The following GPC5 variants were observed in gnomAD, a reference collection of about 807,000 sequenced individuals.
GPC5 encodes glypican 5.
Under a neutral mutation model 53.9 loss-of-function variants are expected in GPC5, and 47 were observed. That is an observed-to-expected ratio of 0.87 (90% CI 0.69 to 1.11). GPC5 has a LOEUF of 1.11. Among genes scored for constraint, GPC5 ranks in the 50% most tolerant of loss-of-function variants. The probability of loss-of-function intolerance (pLI) is 0.00; values close to 1 mark genes in which losing one functional copy is unlikely to be tolerated. For synonymous variants in GPC5, 286 were observed against 263.3 expected (o/e 1.09, Z -0.84); for missense variants, 748 against 713.1 (o/e 1.05, Z -0.56).
intron 7 of GPC5, among the ~76,000 whole-genome samples, chr13:92,349,473 A>G (rs1338323903): frequency 6.7e-6 from 1 of 149,626 alleles, no homozygotes; most frequent in African/African-American, 2.5e-5. Context: ...TTTTTAATTA[A>G]TTTATTTTTA....
At chr13:92,297,843 C>G (rs1432070974) in intron 7 of GPC5, among the ~76,000 whole-genome samples, 2 of 152,032 alleles carry the variant, frequency 1.3e-5, no homozygotes, top group African/African-American at 4.8e-5. Flanking sequence ...ACTGCTCACT[C>G]TTTGGGTCCA....
intron 2 of GPC5, among the ~76,000 whole-genome samples, chr13:91,561,516 G>T (rs2031261148): frequency 6.6e-6 from 1 of 152,048 alleles, no homozygotes; most frequent in Non-Finnish European, 1.5e-5. Context: ...GTGAACTATT[G>T]TAAATTTCAT....
intron 7 of GPC5, among the ~76,000 whole-genome samples, chr13:92,639,233 A>G (rs562525480): frequency 6.6e-6 from 1 of 152,308 alleles, no homozygotes; most frequent in East Asian, 1.9e-4. Context: ...TCAATGATGA[A>G]CATTAGATCA....
chr13:91,988,547 G>T (rs961508266), intron 6 of GPC5, among the ~76,000 whole-genome samples: 1 of 152,166 alleles, frequency 6.6e-6, no homozygotes, highest in Non-Finnish European at 1.5e-5. Context: ...GAAGATCAGC[G>T]CTGTGAAAGG....
intron 7 of GPC5, among the ~76,000 whole-genome samples, chr13:92,808,987 A>G (rs1011726291): frequency 6.6e-5 from 10 of 152,090 alleles, no homozygotes; most frequent in African/African-American, 2.2e-4. Context: ...ACATTATTCT[A>G]TTATGATTAC....
intron 5 of GPC5, among the ~76,000 whole-genome samples, chr13:91,779,604 G>T (rs1333061014): frequency 6.6e-6 from 1 of 152,146 alleles, no homozygotes; most frequent in Non-Finnish European, 1.5e-5. Context: ...CAAGTGGTCT[G>T]CCTGGCTCGA....
intron 7 of GPC5, among the ~76,000 whole-genome samples, chr13:92,554,637 C>T (rs1594300599): frequency 6.8e-6 from 1 of 147,616 alleles, no homozygotes; most frequent in Admixed American, 6.8e-5. Flanking sequence ...CAAATATAAA[C>T]AAGACAGAAA....
intron 2 of GPC5, among the ~76,000 whole-genome samples, chr13:91,496,833 C>T (rs1884293790): frequency 6.6e-6 from 1 of 152,088 alleles, no homozygotes; most frequent in Non-Finnish European, 1.5e-5. Flanking sequence ...ACCCCATTTT[C>T]CATGATGTGA....
At chr13:92,171,762 G>A (rs963916724) in intron 7 of GPC5, among the ~76,000 whole-genome samples, 1 of 152,050 alleles carries the variant, frequency 6.6e-6, no homozygotes, top group Non-Finnish European at 1.5e-5. Context: ...ATAGGTAATT[G>A]AGACCTGTAT....
chr13:91,853,773 C>A (rs1159499354), intron 5 of GPC5, among the ~76,000 whole-genome samples: 1 of 151,856 alleles, frequency 6.6e-6, no homozygotes, highest in Admixed American at 6.6e-5. Flanking sequence ...AAAATAAAGT[C>A]ATTCAAGAAA....
chr13:91,586,221 T>C (rs1351224329), intron 2 of GPC5, among the ~76,000 whole-genome samples: 1 of 151,248 alleles, frequency 6.6e-6, no homozygotes, highest in Admixed American at 6.6e-5. Context: ...ATGTAAATGT[T>C]CTTAAGCTTC....
At chr13:91,752,091 C>T (rs745900162) in intron 4 of GPC5, among the ~76,000 whole-genome samples, 1 of 152,168 alleles carries the variant, frequency 6.6e-6, no homozygotes, top group African/African-American at 2.4e-5. Context: ...TGTTTTCATG[C>T]GGCCTTTTCT....
chr13:92,546,196 T>C (rs1882103408), intron 7 of GPC5, among the ~76,000 whole-genome samples: 2 of 152,184 alleles, frequency 1.3e-5, no homozygotes, highest in African/African-American at 2.4e-5. Flanking sequence ...AAATAAAGGG[T>C]ATTCAATTTG....
chr13:92,495,151 AATATTAC>A (rs1362594696), intron 7 of GPC5, among the ~76,000 whole-genome samples: 1 of 152,222 alleles, frequency 6.6e-6, no homozygotes, highest in Non-Finnish European at 1.5e-5. Flanking sequence ...CGCTGAAAAT[AATATTAC>A]ATTGCCAATG....
chr13:92,321,579 G>A (rs1006399130), intron 7 of GPC5, among the ~76,000 whole-genome samples: 1 of 151,694 alleles, frequency 6.6e-6, no homozygotes, highest in Non-Finnish European at 1.5e-5. Flanking sequence ...CTTCAGCCTG[G>A]GACAGAGCGA....
At chr13:92,452,593 A>T (rs2139400137) in intron 7 of GPC5, among the ~76,000 whole-genome samples, 1 of 152,242 alleles carries the variant, frequency 6.6e-6, no homozygotes, top group East Asian at 1.9e-4. Context: ...AAAACAACCA[A>T]GTCCCACTCT....
intron 6 of GPC5, among the ~76,000 whole-genome samples, chr13:91,925,117 C>A (rs1338045740): frequency 1.3e-5 from 2 of 152,076 alleles, no homozygotes. Flanking sequence ...CTGTGCCCGG[C>A]CACTTCGTGG....
At position 92,483,125 on chromosome 13, in the gene GPC5, C is replaced by A. The variant is rs187148844; in HGVS notation, c.1561+338136C>A. On this transcript the variant is annotated intron_variant, in intron 7 of 7. Coordinates refer to ENST00000377067, the MANE Select transcript of GPC5 (RefSeq NM_004466.6). ...ACCGTCCCCATGATTCCATTATCTCCACTTGGCCTTGCCTTGACATGTGGG... is the reference window on the plus strand; with the variant it reads ...ACCGTCCCCATGATTCCATTATCTCAACTTGGCCTTGCCTTGACATGTGGG... 2.0e-5 allele frequency among the ~76,000 whole-genome samples: 3 copies of A among 152,300 alleles called. No individual in the cohort carries two copies. The East Asian group carries it at 5.8e-4, about 29-fold the overall frequency.
At chr13:92,733,903 A>G (rs144644852) in intron 7 of GPC5, among the ~76,000 whole-genome samples, 1 of 151,942 alleles carries the variant, frequency 6.6e-6, no homozygotes, top group African/African-American at 2.4e-5. Flanking sequence ...TGAGAATTGA[A>G]AAAATTATTT....
Sources: gnomAD v4.1 joint callset for allele counts (sites outside exome capture counted in the v4.1 genomes callset) on GRCh38, gnomAD v4.1.1 for gene constraint, MANE v1.5 for transcripts, NCBI Gene and HGNC (gene_info 2026-07-23, HGNC 2026-07-21) for gene names.